The following TRAPPC8 variants were observed in gnomAD, a reference collection of about 807,000 sequenced individuals.
The protein encoded by TRAPPC8 is trafficking protein particle complex subunit 8.
TRAPPC8 carries 54 observed loss-of-function variants against 174.3 expected under a neutral mutation model. That is an observed-to-expected ratio of 0.31 (90% confidence interval 0.25 to 0.39). The LOEUF (loss-of-function observed/expected upper bound fraction) is 0.39. Among genes scored for constraint, TRAPPC8 ranks in the 10% least tolerant of loss-of-function variants. TRAPPC8 has a pLI of 1.00. For synonymous variants in TRAPPC8, 630 were observed against 579.9 expected, an observed-to-expected ratio of 1.09 and a Z score of -1.24; for missense variants, 1,531 against 1,699.1, an observed-to-expected ratio of 0.90 and a Z score of 1.74.
At chr18:31,897,745 G>T in intron 11 of TRAPPC8, 41 bp downstream of exon 11, 1 of 1,327,976 alleles carries the variant, frequency 7.5e-7, no homozygotes, top group African/African-American at 1.5e-5. Flanking sequence ...AAAAAAAAAA[G>T]AACAATGCTA....
intron 12 of TRAPPC8, chr18:31,883,351 G>C (rs1022409464): frequency 1.3e-5 from 2 of 151,712 alleles, no homozygotes; most frequent in African/African-American, 4.9e-5. Flanking sequence ...CACTATAAAA[G>C]TACACCCTGT....
At chr18:31,886,597 T>C (rs368582034) in intron 12 of TRAPPC8, among the ~76,000 whole-genome samples, 1 of 152,204 alleles carries the variant, frequency 6.6e-6, no homozygotes, top group Admixed American at 6.5e-5. Flanking sequence ...CCCAGCGTTT[T>C]TTGTTTTTTT....
At chr18:31,913,201 CAGTT>C (rs2145514194) in intron 5 of TRAPPC8, among the ~76,000 whole-genome samples, 164 bp downstream of exon 5, 1 of 152,204 alleles carries the variant, frequency 6.6e-6, no homozygotes, top group African/African-American at 2.4e-5. Flanking sequence ...GGGATTACTG[CAGTT>C]AGTTAAAAAC....
At chr18:31,938,068 G>C (rs2038179536) in intron 1 of TRAPPC8, among the ~76,000 whole-genome samples, 1 of 152,056 alleles carries the variant, frequency 6.6e-6, no homozygotes, top group Admixed American at 6.6e-5. Flanking sequence ...ATACTTCCAA[G>C]TTAGTGTTTA....
At chr18:31,838,597 C>T (rs1568030851) in intron 27 of TRAPPC8, among the ~76,000 whole-genome samples, 1 of 152,170 alleles carries the variant, frequency 6.6e-6, no homozygotes, top group East Asian at 1.9e-4. Context: ...GCTTCTCAAC[C>T]TATGATGTCA....
At chr18:31,905,166 CA>C (rs2036604812) in intron 9 of TRAPPC8, among the ~76,000 whole-genome samples, 1 of 152,112 alleles carries the variant, frequency 6.6e-6, no homozygotes, top group African/African-American at 2.4e-5. Flanking sequence ...TATTCTACTA[CA>C]ACACATTTTT....
chr18:31,845,978 C>G (rs2033381693), intron 26 of TRAPPC8, among the ~76,000 whole-genome samples: 1 of 152,152 alleles, frequency 6.6e-6, no homozygotes, highest in Admixed American at 6.5e-5. Context: ...TCAGCAGCTG[C>G]TACACAACTC....
At chr18:31,885,547 AGTTCTTGTTT>A (rs1375013500) in intron 12 of TRAPPC8, among the ~76,000 whole-genome samples, 1 of 152,060 alleles carries the variant, frequency 6.6e-6, no homozygotes, top group Non-Finnish European at 1.5e-5. Context: ...TGTAAGGGAA[AGTTCTTGTTT>A]CTAGAAAATA....
intron 12 of TRAPPC8, among the ~76,000 whole-genome samples, chr18:31,888,485 T>A (rs2035818776): frequency 6.6e-6 from 1 of 152,208 alleles, no homozygotes; most frequent in African/African-American, 2.4e-5. Flanking sequence ...GCAGCACTAT[T>A]CACAATAGCA....
chr18:31,872,096 C>A (rs1036279637), intron 14 of TRAPPC8, among the ~76,000 whole-genome samples: 1 of 151,844 alleles, frequency 6.6e-6, no homozygotes, highest in Non-Finnish European at 1.5e-5. Context: ...TACATTGTAC[C>A]CATAAGTAAT....
chr18:31,917,982 C>G (rs973976274), intron 2 of TRAPPC8, among the ~76,000 whole-genome samples: 1 of 151,904 alleles, frequency 6.6e-6, no homozygotes, highest in Admixed American at 6.6e-5. Flanking sequence ...AAAAATTAGC[C>G]GGGCATGGTG....
chr18:31,885,345 A>C (rs1399994100), intron 12 of TRAPPC8, among the ~76,000 whole-genome samples: 1 of 152,142 alleles, frequency 6.6e-6, no homozygotes, highest in African/African-American at 2.4e-5. Flanking sequence ...AAATAATTGG[A>C]CTGTAACCTT....
At chr18:31,887,248 A>G (rs1358868427) in intron 12 of TRAPPC8, among the ~76,000 whole-genome samples, 1 of 152,178 alleles carries the variant, frequency 6.6e-6, no homozygotes, top group Non-Finnish European at 1.5e-5. Flanking sequence ...GAGAAAAACC[A>G]CATGATTATC....
chr18:31,907,745 A>G (rs1226510366), intron 8 of TRAPPC8, 135 bp from the exon 9 acceptor site: 1 of 675,246 alleles, frequency 1.5e-6, no homozygotes, highest in Non-Finnish European at 2.2e-6. Flanking sequence ...TTCTACCTCC[A>G]ACAAGAGTGT....
chr18:31,902,479 T>G (rs1284225911), intron 9 of TRAPPC8, among the ~76,000 whole-genome samples: 1 of 152,136 alleles, frequency 6.6e-6, no homozygotes, highest in Non-Finnish European at 1.5e-5. Flanking sequence ...CAGCTTTAAG[T>G]GGGAGGTTGA....
At chr18:31,898,091 A>C (rs1164476186) in intron 10 of TRAPPC8, among the ~76,000 whole-genome samples, 200 bp from the exon 11 acceptor site, 1 of 152,160 alleles carries the variant, frequency 6.6e-6, no homozygotes, top group African/African-American at 2.4e-5. Context: ...ATTAACCCAT[A>C]CACATCCTCT....
At chr18:31,879,284 A>C (rs1039054399) in intron 12 of TRAPPC8, among the ~76,000 whole-genome samples, 2 of 152,190 alleles carry the variant, frequency 1.3e-5, no homozygotes, top group Non-Finnish European at 2.9e-5. Context: ...ATCTTCTCAG[A>C]CCACAGTGGA....
chr18:31,867,599 C>CACCA, intron 16 of TRAPPC8, 123 bp from the exon 17 acceptor site: 1 of 665,556 alleles, frequency 1.5e-6, no homozygotes, highest in Non-Finnish European at 2.5e-6. Flanking sequence ...TTGGTTTTTA[C>CACCA]CACATGCTGA....
At chr18:31,874,439 A>G in intron 13 of TRAPPC8, 41 bp downstream of exon 13, 2 of 1,537,052 alleles carry the variant, frequency 1.3e-6, no homozygotes, top group Middle Eastern at 1.7e-4. Context: ...ACACTAAAAT[A>G]CAGTTTTAAT....
Sources: allele counts gnomAD v4.1 joint callset (sites outside exome capture counted in the v4.1 genomes callset), GRCh38; gene constraint gnomAD v4.1.1; transcripts MANE v1.5; gene names NCBI Gene and HGNC (gene_info 2026-07-23, HGNC 2026-07-21).